The following DLG2 variants were observed in gnomAD, a reference collection of about 807,000 sequenced individuals.
DLG2 encodes discs large MAGUK scaffold protein 2, also known as disks large homolog 2.
Under a neutral mutation model 132.5 loss-of-function variants are expected in DLG2, and 45 were observed. That is an observed-to-expected ratio of 0.34 (90% CI 0.27 to 0.44). DLG2 has a LOEUF of 0.44. Among genes scored for constraint, DLG2 ranks in the 20% least tolerant of loss-of-function variants. The probability of loss-of-function intolerance (pLI) is 1.00; values close to 1 mark genes in which losing one functional copy is unlikely to be tolerated. For synonymous variants in DLG2, 424 were observed against 419.6 expected, an observed-to-expected ratio of 1.01 and a Z score of -0.13; for missense variants, 1,045 against 1,196.9, an observed-to-expected ratio of 0.87 and a Z score of 1.87.
chr11:83,718,913 C>G (rs985070833), intron 18 of DLG2, among the ~76,000 whole-genome samples: 12 of 152,212 alleles, frequency 7.9e-5, no homozygotes, highest in Admixed American at 2.6e-4. Context: ...GTCCAGACAA[C>G]TGCAGCTGGG....
At chr11:83,969,181 T>C (rs762547586) in intron 12 of DLG2, among the ~76,000 whole-genome samples, 1 of 152,114 alleles carries the variant, frequency 6.6e-6, no homozygotes, top group Non-Finnish European at 1.5e-5. Flanking sequence ...CTGCCTCCAA[T>C]TGTCAAAGCC....
intron 3 of DLG2, among the ~76,000 whole-genome samples, chr11:85,489,124 G>A (rs1232274287): frequency 6.6e-6 from 1 of 152,028 alleles, no homozygotes. Flanking sequence ...AAGAGATACA[G>A]ATTGGAAAAA....
chr11:84,285,438 T>G (rs1482882679), intron 7 of DLG2, among the ~76,000 whole-genome samples: 2 of 152,184 alleles, frequency 1.3e-5, no homozygotes, highest in African/African-American at 4.8e-5. Flanking sequence ...TAGGATATAA[T>G]ACATCCCATT....
chr11:84,447,304 G>C (rs1185577595), intron 7 of DLG2, among the ~76,000 whole-genome samples: 1 of 152,142 alleles, frequency 6.6e-6, no homozygotes, highest in African/African-American at 2.4e-5. Flanking sequence ...CACATAGCCT[G>C]AGTGCAATAA....
At chr11:84,694,293 G>A (rs1052002690) in intron 6 of DLG2, among the ~76,000 whole-genome samples, 4 of 151,542 alleles carry the variant, frequency 2.6e-5, no homozygotes, top group African/African-American at 9.7e-5. Flanking sequence ...ACCATGGAAA[G>A]ACAACATTGC....
At chr11:84,613,030 G>A (rs767484143) in intron 6 of DLG2, among the ~76,000 whole-genome samples, 1 of 152,102 alleles carries the variant, frequency 6.6e-6, no homozygotes, top group Non-Finnish European at 1.5e-5. Context: ...AAATATAAAT[G>A]ATCAAGCTTC....
At chr11:84,504,704 C>G (rs1026091429) in intron 7 of DLG2, among the ~76,000 whole-genome samples, 1 of 151,918 alleles carries the variant, frequency 6.6e-6, no homozygotes, top group African/African-American at 2.4e-5. Flanking sequence ...TCATGTGGCA[C>G]CAGTGCTTGT....
chr11:83,958,420 C>G (rs145604529), intron 14 of DLG2, among the ~76,000 whole-genome samples: 3 of 152,070 alleles, frequency 2.0e-5, no homozygotes, highest in African/African-American at 7.2e-5. Flanking sequence ...ATGTGAGGGA[C>G]CAATAAGTAG....
At chr11:85,479,758 T>C (rs910208258) in intron 3 of DLG2, among the ~76,000 whole-genome samples, 2 of 152,270 alleles carry the variant, frequency 1.3e-5, no homozygotes, top group African/African-American at 4.8e-5. Context: ...AAATCTGAGA[T>C]CAAGGTATCA....
intron 21 of DLG2, among the ~76,000 whole-genome samples, chr11:83,513,275 CCAGT>C (rs547162927): frequency 1.9e-3 from 289 of 152,262 alleles, no homozygotes; most frequent in Non-Finnish European, 3.6e-3. Flanking sequence ...TCTCTGATGG[CCAGT>C]GATGATGAGC....
At chr11:83,840,854 T>C (rs2057371653) in intron 16 of DLG2, among the ~76,000 whole-genome samples, 1 of 152,240 alleles carries the variant, frequency 6.6e-6, no homozygotes, top group Non-Finnish European at 1.5e-5. Flanking sequence ...ACTTGACTGA[T>C]GGTCATTTAA....
chr11:84,485,983 G>A (rs936708375), intron 7 of DLG2, among the ~76,000 whole-genome samples: 3 of 152,024 alleles, frequency 2.0e-5, no homozygotes, highest in Admixed American at 6.6e-5. Context: ...CCTTGATCCC[G>A]GTGTCAGGAA....
intron 17 of DLG2, among the ~76,000 whole-genome samples, chr11:83,825,611 T>C (rs1443139911): frequency 6.6e-6 from 1 of 152,158 alleles, no homozygotes; most frequent in Non-Finnish European, 1.5e-5. Context: ...GGGTTTTTCC[T>C]TGTCTACTCC....
At chr11:85,054,692 A>C (rs1439514562) in intron 6 of DLG2, among the ~76,000 whole-genome samples, 1 of 152,228 alleles carries the variant, frequency 6.6e-6, no homozygotes, top group Non-Finnish European at 1.5e-5. Flanking sequence ...ACAGAAAAAA[A>C]CAAAATCATG....
At chr11:83,836,494 A>T (rs765231191) in intron 16 of DLG2, among the ~76,000 whole-genome samples, 1 of 152,092 alleles carries the variant, frequency 6.6e-6, no homozygotes, top group Non-Finnish European at 1.5e-5. Flanking sequence ...TCCTCTTCAC[A>T]TTTGGAAGCT....
At chr11:85,223,376 G>A (rs1320726819) in intron 4 of DLG2, among the ~76,000 whole-genome samples, 1 of 152,282 alleles carries the variant, frequency 6.6e-6, no homozygotes, top group Non-Finnish European at 1.5e-5. Context: ...GCTTACACCT[G>A]TAAATCTCAG....
chr11:85,154,537 A>T lies in DLG2; in HGVS notation c.282+19T>A. The T allele has an allele frequency of 8.0e-7, 1 of 1,251,482 alleles. No homozygotes were observed. Among genetic ancestry groups the T allele is most frequent in the Non-Finnish European group, 1.1e-6 (1 of 884,124 alleles). 77.5% of individuals were successfully genotyped at this position (1,251,482 alleles called of 1,614,324 possible). On this transcript the variant is annotated intron_variant, in intron 5 of 27. Coordinates refer to ENST00000376104, the MANE Select transcript of DLG2 (RefSeq NM_001142699.3). ...TACCCATGAAGCCTAGTAAGAAAAG[A>T]AAACAGTATAACACTTACAGTTGTC...
At chr11:83,749,745 G>C (rs2093177060) in intron 18 of DLG2, among the ~76,000 whole-genome samples, 2 of 152,014 alleles carry the variant, frequency 1.3e-5, no homozygotes, top group Admixed American at 1.3e-4. Context: ...TTATTTCTTA[G>C]AAATGTGTAT....
intron 8 of DLG2, among the ~76,000 whole-genome samples, chr11:84,242,278 C>T (rs146798903): frequency 4.9e-4 from 75 of 152,010 alleles, no homozygotes; most frequent in African/African-American, 1.7e-3. Flanking sequence ...CTGCCCTCTG[C>T]AAGGGTAATG....
Sources: allele counts gnomAD v4.1 joint callset (sites outside exome capture counted in the v4.1 genomes callset), GRCh38; gene constraint gnomAD v4.1.1; transcripts MANE v1.5; gene names NCBI Gene and HGNC (gene_info 2026-07-23, HGNC 2026-07-21).